The following PHF19 variants were observed in gnomAD, a reference collection of about 807,000 sequenced individuals.
The protein encoded by PHF19 is PHD finger protein 19.
A neutral mutation model predicts 79.8 loss-of-function variants in PHF19; 21 were observed. The ratio of observed to expected loss-of-function variants is 0.26; its 90% CI spans 0.19 to 0.38. The LOEUF is 0.38. Ranked by LOEUF, PHF19 falls within the 10% of genes least tolerant of loss-of-function variation. PHF19 has a pLI of 1.00. For synonymous variants in PHF19, 273 were observed against 296.3 expected (o/e 0.92, Z 0.81); for missense variants, 445 against 744.2 (o/e 0.60, Z 4.68).
rs1554816184 is a variant in PHF19 at position 120,858,849 on chromosome 9, A to ACACACACACAC, written c.1401-564_1401-563insGTGTGTGTGTG. On this transcript the variant is annotated intron_variant, in intron 14 of 14. Transcript: ENST00000373896. ...CACACACACACACACACACACACAC[A>ACACACACACAC]CACACACACGGGTGTTAGAGAAATG... Among the ~76,000 whole-genome samples, 12 of 151,954 alleles carry ACACACACACAC rather than the reference A, an allele frequency of 7.9e-5. No homozygotes were observed. In the East Asian group the frequency reaches 1.4e-3, roughly 17 times the overall value.
chr9:120,874,209 C>A lies in PHF19; in HGVS notation c.187-149G>T, dbSNP rs1039729533. Reference sequence around the variant, plus strand: ...GATGGCAGTTCCTGGACAGGGTGTACTCCTAGTCACCTGGAGTCGTACAGC... The same window carrying A: ...GATGGCAGTTCCTGGACAGGGTGTAATCCTAGTCACCTGGAGTCGTACAGC... On this transcript the variant is annotated intron_variant, in intron 2 of 14. Transcript: ENST00000373896. This position sits in a 1 kb window ranked among gnomAD's most constrained non-coding sequence, Gnocchi z 4.5. 3 of 612,924 alleles carry A rather than the reference C, an allele frequency of 4.9e-6. No individual in the cohort carries two copies. The African/African-American group carries it at 5.5e-5, about 11-fold the overall frequency. 38.0% of individuals were successfully genotyped at this position (612,924 alleles called of 1,614,324 possible).
intron 10 of PHF19, 62 bp downstream of exon 10, chr9:120,863,987 A>AG: frequency 7.7e-7 from 1 of 1,307,012 alleles, no homozygotes; most frequent in Non-Finnish European, 1.1e-6. Flanking sequence ...AAAGGCTATG[A>AG]GGTAGGAAGG....
intron 1 of PHF19, among the ~76,000 whole-genome samples, chr9:120,894,213 A>C (rs554883152): frequency 6.6e-5 from 10 of 152,260 alleles, no homozygotes; most frequent in African/African-American, 2.2e-4. Flanking sequence ...CCGTCCCCTA[A>C]GACTGATCAC....
chr9:120,874,472 C>G lies in PHF19; in HGVS notation c.186+84G>C. On this transcript the variant is annotated intron_variant, in intron 2 of 14. Coordinates refer to ENST00000373896, the MANE Select transcript of PHF19 (RefSeq NM_015651.3). This position sits in a 1 kb window ranked among gnomAD's most constrained non-coding sequence, Gnocchi z 4.5. ...AGAAGGGAATTCTCCAGCAATCCCCCTGCCCCCTGGTCTGACAGCCAGGCT... is the reference window on the plus strand; with the variant it reads ...AGAAGGGAATTCTCCAGCAATCCCCGTGCCCCCTGGTCTGACAGCCAGGCT... 1.1e-6 allele frequency: 1 copy of G among 918,064 alleles called. No homozygotes were observed. Among genetic ancestry groups the G allele is most frequent in the Non-Finnish European group, 1.7e-6 (1 of 581,260 alleles). The allele number at this position is 918,064 out of a possible 1,614,324, so 56.9% of individuals were successfully genotyped here. A position where few individuals can be genotyped will look rare whatever the true frequency, so the allele number is the denominator to read the frequency against.
At chr9:120,889,047 A>G (rs1193875988) in intron 1 of PHF19, among the ~76,000 whole-genome samples, 6 of 152,162 alleles carry the variant, frequency 3.9e-5, no homozygotes, top group African/African-American at 1.4e-4. Context: ...TCCTCCAAAA[A>G]GGAACCAGAA....
At chr9:120,879,351 G>A (rs1281103936), upstream of PHF19, among the ~76,000 whole-genome samples, 3 of 152,232 alleles carry the variant, frequency 2.0e-5, no homozygotes, top group Non-Finnish European at 4.4e-5. Context: ...CGTGGAGGAG[G>A]CGGTGTTGAT....
rs561482228 is a variant in PHF19, at chr9:120,875,613, C to T, written c.-15-857G>A. On this transcript the variant is annotated intron_variant, in intron 1 of 14. Transcript: ENST00000373896. ...CCTCCTGCCCTGGTCTCAGTTCAGG[C>T]CTCATCTTTTGCTTGGGCCATTCAT... Among the ~76,000 whole-genome samples, 184 of 152,310 alleles carry T rather than the reference C, an allele frequency of 1.2e-3. 2 individuals are homozygous for T. The highest frequency in any genetic ancestry group is 4.3e-3 in the African/African-American group (177 of 41,568).
chr9:120,886,394 G>T (rs1034275165), intron 1 of PHF19, among the ~76,000 whole-genome samples: 1 of 152,206 alleles, frequency 6.6e-6, no homozygotes, highest in Non-Finnish European at 1.5e-5. Flanking sequence ...TATGGACACC[G>T]AACCAAAATA....
At chr9:120,892,624 A>G (rs1259025234) in intron 1 of PHF19, among the ~76,000 whole-genome samples, 1 of 152,042 alleles carries the variant, frequency 6.6e-6, no homozygotes, top group East Asian at 1.9e-4. Context: ...GGCATATAGG[A>G]CCTCAAGGTC....
chr9:120,898,988 C>T (rs545587329), upstream of PHF19, among the ~76,000 whole-genome samples: 47 of 151,026 alleles, frequency 3.1e-4, no homozygotes, highest in African/African-American at 1.0e-3. Flanking sequence ...TACCTGAGGT[C>T]GGGAGTTTGA....
At chr9:120,886,127 C>T (rs1321515799) in intron 1 of PHF19, among the ~76,000 whole-genome samples, 2 of 152,214 alleles carry the variant, frequency 1.3e-5, no homozygotes, top group African/African-American at 4.8e-5. Context: ...CAGATGCCTC[C>T]CCCTGCAGAG....
In PHF19 at chr9:120,869,648, C is replaced by T. The variant is rs1240832648; in HGVS notation, c.465+197G>A. On this transcript the variant is annotated intron_variant, in intron 5 of 14. Transcript: ENST00000373896. This position sits in a 1 kb window ranked among gnomAD's most constrained non-coding sequence, Gnocchi z 5.8. ...CCGTTATTCCCGACACCAAACCCAT[C>T]TCCACTTTACAGTTGAGGAAACTGA... is the stretch of plus-strand genomic sequence containing the variant. 6.5e-7 allele frequency: 1 copy of T among 1,539,176 alleles called. No homozygotes were observed. The highest frequency in any genetic ancestry group is 8.8e-7 in the Non-Finnish European group (1 of 1,137,652).
chr9:120,897,884 C>G (rs2046414813), upstream of PHF19, among the ~76,000 whole-genome samples: 1 of 147,126 alleles, frequency 6.8e-6, no homozygotes, highest in Admixed American at 7.0e-5. Context: ...GAGGCTGAGG[C>G]AGGAGACCTA....
rs1240254068 is a variant in PHF19, at chr9:120,870,699, T to C, written c.269-161A>G. On this transcript the variant is annotated intron_variant, in intron 3 of 14. Transcript: ENST00000373896. This position sits in a 1 kb window ranked among gnomAD's most constrained non-coding sequence, Gnocchi z 4.4. The stretch of plus-strand genomic sequence containing the variant: ...ACCACTCTGAGATGCCTATCATCAT[T>C]ACCATTCGAAAGATGGGGAAATTGA... 2.0e-5 allele frequency among the ~76,000 whole-genome samples: 3 copies of C among 152,142 alleles called. No homozygotes were observed. Among genetic ancestry groups the C allele is most frequent in the Non-Finnish European group, 4.4e-5 (3 of 68,030 alleles).
intron 1 of PHF19, among the ~76,000 whole-genome samples, chr9:120,887,767 G>A (rs2046287817): frequency 6.6e-6 from 1 of 152,016 alleles, no homozygotes; most frequent in African/African-American, 2.4e-5. Context: ...ATCATACTAT[G>A]ATATTTGGTA....
chr9:120,877,220 G>A (rs2046091300), upstream of PHF19: 2 of 970,064 alleles, frequency 2.1e-6, no homozygotes, highest in East Asian at 2.3e-4. Flanking sequence ...CGGGGTCTCG[G>A]CGGGGGCGGG....
upstream of PHF19, chr9:120,877,227 C>T: frequency 1.3e-5 from 2 of 150,322 alleles, no homozygotes; most frequent in African/African-American, 5.5e-5. Flanking sequence ...TCGGCGGGGG[C>T]GGGGCGGGGC....
At chr9:120,858,469 C>G (rs1036073571) in intron 14 of PHF19, among the ~76,000 whole-genome samples, 183 bp from the exon 15 acceptor site, 1 of 152,180 alleles carries the variant, frequency 6.6e-6, no homozygotes, top group Non-Finnish European at 1.5e-5. Flanking sequence ...CTGAGATAAT[C>G]TATGCCTTGG....
chr9:120,869,393 C>A lies in PHF19; in HGVS notation c.466-63G>T. The A allele has an allele frequency of 6.4e-7, 1 of 1,555,214 alleles. No individual in the cohort carries two copies. Among genetic ancestry groups the A allele is most frequent in the Non-Finnish European group, 8.7e-7 (1 of 1,145,054 alleles). ...CGGGTGGACCACGCGAGTCAGCACG[C>A]GGCTGTCTATTGAGGGAAGTGCTGC... On this transcript the variant is annotated intron_variant, in intron 5 of 14. Transcript: ENST00000373896. This position sits in a 1 kb window ranked among gnomAD's most constrained non-coding sequence, Gnocchi z 5.8.
Sources: allele counts gnomAD v4.1 joint callset (sites outside exome capture counted in the v4.1 genomes callset), GRCh38; gene constraint gnomAD v4.1.1; non-coding constraint Gnocchi (gnomAD v3.1); transcripts MANE v1.5; gene names NCBI Gene and HGNC (gene_info 2026-07-23, HGNC 2026-07-21).